The following PCDHGA9 variants were observed in gnomAD, a reference collection of about 807,000 sequenced individuals.
The protein encoded by PCDHGA9 is protocadherin gamma subfamily A, 9.
A neutral mutation model predicts 62.5 loss-of-function variants in PCDHGA9; 37 were observed. The observed-to-expected ratio is 0.59, with a 90% CI of 0.46 to 0.78. PCDHGA9 has a LOEUF of 0.78. PCDHGA9 is among the 30% of genes least tolerant of loss of function. PCDHGA9 has a pLI of 0.00. For synonymous variants in PCDHGA9, 459 were observed against 484.6 expected (o/e 0.95, Z 0.69); for missense variants, 1,138 against 1,166.2 (o/e 0.98, Z 0.35).
chr5:141,464,980 GATCCT>G (rs2154568684), intron 1 of PCDHGA9, among the ~76,000 whole-genome samples: 1 of 151,990 alleles, frequency 6.6e-6, no homozygotes, highest in East Asian at 1.9e-4. Flanking sequence ...GGCTTCAAGT[GATCCT>G]CCCACCTCAG....
At chr5:141,420,245 G>A (rs72790042) in intron 1 of PCDHGA9, 83,459 of 1,583,130 alleles carry the variant, frequency 0.053, 2,452 homozygotes, top group African/African-American at 0.1. Context: ...AACTCCCAGC[G>A]TTGAAGCAGA....
At chr5:141,470,825 C>G (rs557419577) in intron 1 of PCDHGA9, among the ~76,000 whole-genome samples, 24 of 152,182 alleles carry the variant, frequency 1.6e-4, no homozygotes, top group African/African-American at 4.1e-4. Context: ...GTAGTTAGGA[C>G]GACAAACACA....
chr5:141,418,875 A>G (rs2097697666), intron 1 of PCDHGA9: 1 of 1,613,926 alleles, frequency 6.2e-7, no homozygotes, highest in African/African-American at 1.3e-5. Flanking sequence ...GAAGTTGTAG[A>G]CGAAAACGAC....
intron 1 of PCDHGA9, among the ~76,000 whole-genome samples, chr5:141,407,290 G>A (rs1025830566): frequency 3.3e-5 from 5 of 152,154 alleles, no homozygotes; most frequent in African/African-American, 1.2e-4. Context: ...TACAATTTCT[G>A]TTCTGAGGAG....
chr5:141,456,275 G>A (rs1234663731), intron 1 of PCDHGA9, among the ~76,000 whole-genome samples: 1 of 152,142 alleles, frequency 6.6e-6, no homozygotes, highest in Non-Finnish European at 1.5e-5. Flanking sequence ...GCTACTTCCT[G>A]CTGAAAAGGG....
In PCDHGA9 at chr5:141,431,279, C is replaced by G. The variant is rs1163372308; in HGVS notation, c.2424+25903C>G. Reference sequence around the variant, plus strand: ...CTCTCTGCAGAGCTACGAGCTCAGCCCGAACACTCACTTCTCCCTCATCGT... The same window carrying G: ...CTCTCTGCAGAGCTACGAGCTCAGCGCGAACACTCACTTCTCCCTCATCGT... On this transcript the variant is annotated intron_variant, in intron 1 of 3. Coordinates refer to ENST00000573521, the MANE Select transcript of PCDHGA9 (RefSeq NM_018921.3). This position sits in a 1 kb window ranked among gnomAD's most constrained non-coding sequence, Gnocchi z 4.8. 1 of 1,614,028 alleles carries G rather than the reference C, an allele frequency of 6.2e-7. No individual in the cohort carries two copies. Among genetic ancestry groups the G allele is most frequent in the African/African-American group, 1.3e-5 (1 of 74,926 alleles).
chr5:141,469,553 G>A (rs989713451), intron 1 of PCDHGA9, among the ~76,000 whole-genome samples: 2 of 152,086 alleles, frequency 1.3e-5, no homozygotes, highest in African/African-American at 2.4e-5. Flanking sequence ...CCAGCCTGGC[G>A]ACAGAGTGAG....
At chr5:141,418,894 A>G (rs200182481) in intron 1 of PCDHGA9, 2 of 1,614,004 alleles carry the variant, frequency 1.2e-6, no homozygotes, top group East Asian at 4.5e-5. Context: ...ACAACAGCCC[A>G]GAAATAATCA....
intron 1 of PCDHGA9, chr5:141,410,309 T>G: frequency 6.2e-7 from 1 of 1,613,998 alleles, no homozygotes; most frequent in Non-Finnish European, 8.5e-7. Flanking sequence ...CTCAGTGCTC[T>G]TCCTCCTCGC....
In PCDHGA9 at chr5:141,511,161, G is replaced by A; in HGVS notation, c.2787G>A (p.Lys929=). 1 of 1,614,176 alleles carries A rather than the reference G, an allele frequency of 6.2e-7. No individual in the cohort carries two copies. The highest frequency in any genetic ancestry group is 8.5e-7 in the Non-Finnish European group (1 of 1,180,010). ...GNGNKKKSGK[K]EKK ...GCAACAAGAAGAAGTCGGGCAAGAA[G>A]GAGAAGAAGTAACATGGAGGCCAGG... Residue 929 remains lysine, a synonymous_variant, in exon 4 of 4, where the codon AAG becomes AAA. Transcript: ENST00000573521.
Position 141,485,138 on chromosome 5 carries a change from T to A in PCDHGA9, c.2425-9669T>A, listed in dbSNP as rs374309554. On this transcript the variant is annotated intron_variant, in intron 1 of 3. Coordinates refer to ENST00000573521, the MANE Select transcript of PCDHGA9 (RefSeq NM_018921.3). This position sits in a 1 kb window ranked among gnomAD's most constrained non-coding sequence, Gnocchi z 5.7. ...TTGGGGCGGGTCGGCTTCATCCGCG[T>A]CTCAGGAGCAAGTAGAGAATTAGCG... is the stretch of plus-strand genomic sequence containing the variant. 17 of 1,528,690 alleles carry A rather than the reference T, an allele frequency of 1.1e-5. No individual in the cohort carries two copies. The highest frequency in any genetic ancestry group is 1.3e-5 in the Non-Finnish European group (14 of 1,109,458). 94.7% of individuals were successfully genotyped at this position (1,528,690 alleles called of 1,614,324 possible).
intron 1 of PCDHGA9, chr5:141,422,035 C>A: frequency 6.2e-7 from 1 of 1,611,086 alleles, no homozygotes; most frequent in South Asian, 1.1e-5. Flanking sequence ...TGCAACGGAT[C>A]CAGACGAGGG....
At position 141,486,878 on chromosome 5, in the gene PCDHGA9, C is replaced by T. The variant is rs772994346; in HGVS notation, c.2425-7929C>T. ...CAATGCTCCAGCTGTGCTCCGTCCT[C>T]GGGCCCGGCCTGGTTCCTTATGTCC... On this transcript the variant is annotated intron_variant, in intron 1 of 3. Transcript: ENST00000573521. The surrounding 1 kb of genome is among the most constrained non-coding windows in gnomAD (Gnocchi z 5.0). 3.0e-5 allele frequency: 49 copies of T among 1,614,114 alleles called. No homozygotes were observed. The highest frequency in any genetic ancestry group is 4.4e-5 in the South Asian group (4 of 91,088).
chr5:141,408,559 C>T (rs1490844526), intron 1 of PCDHGA9: 3 of 1,614,000 alleles, frequency 1.9e-6, no homozygotes, highest in Non-Finnish European at 2.5e-6. Flanking sequence ...TTTTTCATGT[C>T]ATTGTGGTGA....
intron 3 of PCDHGA9, among the ~76,000 whole-genome samples, chr5:141,510,204 C>T (rs1403130911): frequency 1.3e-5 from 2 of 150,304 alleles, no homozygotes; most frequent in Admixed American, 1.3e-4. Flanking sequence ...GCCCAGGAGG[C>T]AGAGGTTGCA....
intron 1 of PCDHGA9, among the ~76,000 whole-genome samples, chr5:141,434,518 T>C (rs2097700303): frequency 6.6e-6 from 1 of 152,188 alleles, no homozygotes; most frequent in Admixed American, 6.5e-5. Flanking sequence ...CTTAAAGGTG[T>C]TCTTAAACCA....
chr5:141,453,752 T>C (rs1404363977), intron 1 of PCDHGA9, among the ~76,000 whole-genome samples: 10 of 152,364 alleles, frequency 6.6e-5, no homozygotes, highest in Admixed American at 5.9e-4. Flanking sequence ...AACATAAGTC[T>C]CCTAAAAATA....
chr5:141,448,421 A>G (rs1380029405), intron 1 of PCDHGA9, among the ~76,000 whole-genome samples: 1 of 152,132 alleles, frequency 6.6e-6, no homozygotes, highest in Non-Finnish European at 1.5e-5. Flanking sequence ...ACAATATACT[A>G]TGTATATATT....
rs934044974 is a variant in PCDHGA9, at chr5:141,476,034, C to T, written c.2425-18773C>T. 3 of 1,464,488 alleles carry T rather than the reference C, an allele frequency of 2.0e-6. No individual in the cohort carries two copies. The highest frequency in any genetic ancestry group is 2.3e-5 in the Admixed American group (1 of 44,364). The allele number at this position is 1,464,488 out of a possible 1,614,324, so 90.7% of individuals were successfully genotyped here. A position where few individuals can be genotyped will look rare whatever the true frequency, so the allele number is the denominator to read the frequency against. On this transcript the variant is annotated intron_variant, in intron 1 of 3. Transcript: ENST00000573521. The surrounding 1 kb of genome is among the most constrained non-coding windows in gnomAD (Gnocchi z 7.6). ...CCATGTCGGACTCGGCGCCCAGCGC[C>T]CAAGCGCTAACCCGCTGAAAGTTTC...
Sources: allele counts gnomAD v4.1 joint callset (sites outside exome capture counted in the v4.1 genomes callset), GRCh38; gene constraint gnomAD v4.1.1; non-coding constraint Gnocchi (gnomAD v3.1); transcripts MANE v1.5; gene names NCBI Gene and HGNC (gene_info 2026-07-23, HGNC 2026-07-21).